FER: variants seen among roughly 807,000 people sequenced by gnomAD.
FER encodes the protein FER tyrosine kinase.
In FER, 63 loss-of-function variants were observed where a neutral mutation model predicts 111.0. The observed-to-expected ratio is 0.57, with a 90% CI of 0.46 to 0.70. The LOEUF is 0.70. Ranked by LOEUF, FER falls within the 30% of genes least tolerant of loss-of-function variation. The pLI, the probability that FER is intolerant of heterozygous loss-of-function variation, is 0.00. For synonymous variants in FER, 327 were observed against 313.9 expected (o/e 1.04, Z -0.44); for missense variants, 914 against 954.0 (o/e 0.96, Z 0.55).
intron 16 of FER, among the ~76,000 whole-genome samples, chr5:109,048,457 G>A (rs888871949): frequency 2.0e-5 from 3 of 152,198 alleles, no homozygotes; most frequent in Non-Finnish European, 2.9e-5. Context: ...TTTGGGAGGT[G>A]GGATGAACTT....
intron 10 of FER, among the ~76,000 whole-genome samples, chr5:108,927,704 T>C (rs1036129133): frequency 6.6e-6 from 1 of 152,210 alleles, no homozygotes; most frequent in Admixed American, 6.5e-5. Context: ...TTCCTCCTTA[T>C]TCATCAATGC....
At chr5:109,150,641 C>A (rs1330996335) in intron 17 of FER, among the ~76,000 whole-genome samples, 1 of 152,102 alleles carries the variant, frequency 6.6e-6, no homozygotes, top group East Asian at 1.9e-4. Context: ...GGAAATAAAA[C>A]AATAAGTTAT....
intron 13 of FER, among the ~76,000 whole-genome samples, chr5:109,026,479 A>G (rs563179726): frequency 2.6e-5 from 4 of 152,028 alleles, no homozygotes; most frequent in African/African-American, 7.2e-5. Flanking sequence ...GACAAAGCTG[A>G]TCAAATTCTG....
At chr5:109,155,712 C>A (rs1393843942) in intron 17 of FER, among the ~76,000 whole-genome samples, 1 of 151,956 alleles carries the variant, frequency 6.6e-6, no homozygotes, top group Non-Finnish European at 1.5e-5. Flanking sequence ...ATGATACTCT[C>A]TTACACAATT....
chr5:109,132,434 T>A (rs759747858), intron 17 of FER, among the ~76,000 whole-genome samples: 3 of 152,174 alleles, frequency 2.0e-5, no homozygotes, highest in Non-Finnish European at 2.9e-5. Flanking sequence ...AATTCCTTCA[T>A]TATAGTCTTT....
rs1228215601 is a variant in FER, at chr5:109,052,173, A to G, written c.1924+4975A>G. On this transcript the variant is annotated intron_variant, in intron 16 of 19. Coordinates refer to ENST00000281092, the MANE Select transcript of FER (RefSeq NM_005246.4). ...CTTCCTTTTGCATCACATAGAACAC[A>G]TGAGCCAGGTACAAGAGTATGGGTA... 5 of 1,608,966 alleles carry G rather than the reference A, an allele frequency of 3.1e-6. No homozygotes were observed. In the African/African-American group the frequency reaches 4.0e-5, roughly 13 times the overall value.
chr5:108,929,655 ACT>A (rs1754286873), intron 10 of FER, among the ~76,000 whole-genome samples: 1 of 152,222 alleles, frequency 6.6e-6, no homozygotes, highest in African/African-American at 2.4e-5. Flanking sequence ...GAAATGAATA[ACT>A]CTCTAGTGAT....
intron 5 of FER, among the ~76,000 whole-genome samples, chr5:108,848,038 T>C (rs10078143): frequency 0.22 from 34,146 of 151,972 alleles, 4,033 homozygotes; most frequent in African/African-American, 0.28. Context: ...CGAGCATGTG[T>C]TGCCATGCCC....
At chr5:108,949,374 C>T (rs921772837) in intron 11 of FER, among the ~76,000 whole-genome samples, 7 of 151,896 alleles carry the variant, frequency 4.6e-5, no homozygotes, top group African/African-American at 1.2e-4. Flanking sequence ...TCTTAAGTTG[C>T]GCTTTCCCCC....
intron 13 of FER, among the ~76,000 whole-genome samples, chr5:108,990,604 A>T (rs998713057): frequency 1.3e-5 from 2 of 151,752 alleles, no homozygotes; most frequent in African/African-American, 4.8e-5. Context: ...TATTATAATA[A>T]TGTATAAATA....
In FER at chr5:109,187,417, T is replaced by C. The variant is rs773121346; in HGVS notation, c.2327-16T>C. The stretch of plus-strand genomic sequence containing the variant: ...CCTCCATTCTAAATTCTGTTCTCCT[T>C]CTCTTGGGTCTTCAGGATACCGGAT... On this transcript the variant is annotated splice_polypyrimidine_tract_variant and intron_variant, in intron 19 of 19. Transcript: ENST00000281092. The C allele has an allele frequency of 1.4e-5, 23 of 1,610,432 alleles. No homozygotes were observed. Among genetic ancestry groups the C allele is most frequent in the Non-Finnish European group, 2.0e-5 (23 of 1,178,546 alleles).
chr5:109,015,557 A>C (rs962717915), intron 13 of FER, among the ~76,000 whole-genome samples: 1 of 151,936 alleles, frequency 6.6e-6, no homozygotes, highest in African/African-American at 2.4e-5. Context: ...TCTATCTGCC[A>C]GTGGAGACTG....
At chr5:109,146,555 G>A (rs1228439051) in intron 17 of FER, among the ~76,000 whole-genome samples, 1 of 151,494 alleles carries the variant, frequency 6.6e-6, no homozygotes. Flanking sequence ...TCTACATGCA[G>A]TAACATTTCC....
chr5:109,086,628 A>G (rs1777595779), intron 16 of FER, among the ~76,000 whole-genome samples: 2 of 151,400 alleles, frequency 1.3e-5, no homozygotes. Context: ...TTTCATTCCT[A>G]TCCTTTTCTG....
intron 16 of FER, among the ~76,000 whole-genome samples, chr5:109,087,893 C>A (rs12153365): frequency 1.1e-4 from 16 of 151,794 alleles, no homozygotes; most frequent in African/African-American, 3.6e-4. Context: ...ATTTCTGTCC[C>A]AGGGACAGTC....
chr5:108,809,810 G>A (rs1038938836), intron 3 of FER, among the ~76,000 whole-genome samples: 1 of 152,162 alleles, frequency 6.6e-6, no homozygotes, highest in South Asian at 2.1e-4. Context: ...TGATCCTCCT[G>A]CCTTGGCATC....
intron 13 of FER, among the ~76,000 whole-genome samples, chr5:109,002,468 T>G (rs541468991): frequency 1.8e-4 from 27 of 151,582 alleles, no homozygotes; most frequent in Non-Finnish European, 3.7e-4. Flanking sequence ...ATACAAAAAT[T>G]AATTCAAGAT....
intron 3 of FER, among the ~76,000 whole-genome samples, chr5:108,832,482 G>A (rs1760147019): frequency 6.6e-6 from 1 of 152,164 alleles, no homozygotes; most frequent in Non-Finnish European, 1.5e-5. Context: ...AAACAAATGA[G>A]AAGTGAACAA....
At chr5:109,115,209 G>A (rs1178397236) in intron 17 of FER, among the ~76,000 whole-genome samples, 1 of 152,116 alleles carries the variant, frequency 6.6e-6, no homozygotes, top group East Asian at 1.9e-4. Flanking sequence ...TTGTAAACAT[G>A]TAAGACCAGA....
Sources: allele counts gnomAD v4.1 joint callset (sites outside exome capture counted in the v4.1 genomes callset), GRCh38; gene constraint gnomAD v4.1.1; transcripts MANE v1.5; gene names NCBI Gene and HGNC (gene_info 2026-07-23, HGNC 2026-07-21).